Variants in DHX34 observed in about 807,000 individuals in gnomAD.
DHX34 encodes the protein probable ATP-dependent RNA helicase DHX34.
Under a neutral mutation model 111.1 loss-of-function variants are expected in DHX34, and 96 were observed. The observed-to-expected ratio is 0.86, with a 90% confidence interval of 0.73 to 1.02. The LOEUF is 1.02. DHX34 is among the 50% of genes least tolerant of loss of function. The pLI, the probability that DHX34 is intolerant of heterozygous loss-of-function variation, is 0.00. For synonymous variants in DHX34, 688 were observed against 670.4 expected (o/e 1.03, Z -0.41); for missense variants, 1,560 against 1,579.9 (o/e 0.99, Z 0.21).
chr19:47,376,883 A>G (rs781137373), intron 12 of DHX34: 1 of 1,533,498 alleles, frequency 6.5e-7, no homozygotes, highest in Non-Finnish European at 8.7e-7. Context: ...CCCCCCTGGC[A>G]CCCGTGTGCA....
In DHX34 at chr19:47,367,511, C is replaced by T. The variant is rs56092520; in HGVS notation, c.1768+356C>T. Among the ~76,000 whole-genome samples the T allele has an allele frequency of 8.8e-4, 134 of 152,222 alleles. 3 individuals are homozygous for T. The Middle Eastern group carries it at 0.01, about 12-fold the overall frequency. On this transcript the variant is annotated intron_variant, in intron 7 of 16. Coordinates refer to ENST00000328771, the MANE Select transcript of DHX34 (RefSeq NM_014681.6). Reference sequence around the variant, plus strand: ...ATACAGGCCTCATGTATAAGGCAGACCTCATGGGGAAGGTAACATCTGTGC... The same window carrying T: ...ATACAGGCCTCATGTATAAGGCAGATCTCATGGGGAAGGTAACATCTGTGC...
At chr19:47,354,215 G>A (rs527667825) in intron 2 of DHX34, among the ~76,000 whole-genome samples, 2 of 152,200 alleles carry the variant, frequency 1.3e-5, no homozygotes, top group South Asian at 2.1e-4. Flanking sequence ...CACCCACTTC[G>A]GCCTCCCAAA....
At chr19:47,374,455 A>AT (rs1491360558) in intron 9 of DHX34, among the ~76,000 whole-genome samples, 1 of 149,290 alleles carries the variant, frequency 6.7e-6, no homozygotes, top group African/African-American at 2.5e-5. Flanking sequence ...AAAAAAAAAA[A>AT]GATTTGGGTT....
intron 5 of DHX34, chr19:47,362,224 T>G (rs1969649981): frequency 2.3e-6 from 1 of 442,464 alleles, no homozygotes; most frequent in African/African-American, 2.7e-5. Context: ...GAGCTCTGAC[T>G]GAGCCACTGC....
rs1225757548 is a variant in DHX34 at position 47,352,983 on chromosome 19, AT to A, written c.-45del. The stretch of plus-strand genomic sequence containing the variant: ...TTGCAGGTGGGGAATGGATGAGAAT[AT>A]TTGTTTTGGGTGATCAGAACTGAGA... On this transcript the variant is annotated 5_prime_UTR_variant, in exon 2 of 17. It removes the in-frame stop codon of an upstream open reading frame in the 5' UTR. Transcript: ENST00000328771. The A allele has an allele frequency of 6.4e-7, 1 of 1,562,350 alleles. No homozygotes were observed. The highest frequency in any genetic ancestry group is 8.7e-7 in the Non-Finnish European group (1 of 1,151,750).
At chr19:47,364,711 C>T (rs1969738142) in intron 6 of DHX34, among the ~76,000 whole-genome samples, 1 of 152,078 alleles carries the variant, frequency 6.6e-6, no homozygotes, top group Non-Finnish European at 1.5e-5. Flanking sequence ...GCACTCCAGC[C>T]TGAGTGATAG....
At position 47,362,645 on chromosome 19, in the gene DHX34, C is replaced by T. The variant is rs775561280; in HGVS notation, c.1545C>T (p.Tyr515=). 5.0e-6 allele frequency: 8 copies of T among 1,613,412 alleles called. No individual in the cohort carries two copies. In the African/African-American group the frequency reaches 8.0e-5, roughly 16 times the overall value. ...AESDYDAFAP[Y]PVPEIRRVAL... ...CGGACTATGATGCCTTCGCCCCCTA[C>T]CCCGTCCCAGAAATTCGGAGGGTGG... The change falls in exon 6 of 17, where the codon TAC becomes TAT. Residue 515 remains tyrosine, a synonymous_variant. Coordinates refer to ENST00000328771, the MANE Select transcript of DHX34 (RefSeq NM_014681.6).
Position 47,382,265 on chromosome 19 carries a change from C to A in DHX34, c.*152C>A. 7.4e-7 allele frequency: 1 copy of A among 1,358,492 alleles called. No homozygotes were observed. The highest frequency in any genetic ancestry group is 9.7e-7 in the Non-Finnish European group (1 of 1,026,678). The allele number at this position is 1,358,492 out of a possible 1,614,324, so 84.2% of individuals were successfully genotyped here. A position where few individuals can be genotyped will look rare whatever the true frequency, so the allele number is the denominator to read the frequency against. On this transcript the variant is annotated 3_prime_UTR_variant, in exon 17 of 17. Coordinates refer to ENST00000328771, the MANE Select transcript of DHX34 (RefSeq NM_014681.6). ...CCTGGAGCACGGATTGTGAATAAAG[C>A]CTCACATGCTGATACACACTGTTAG...
chr19:47,365,971 C>T (rs1315313477), intron 6 of DHX34, among the ~76,000 whole-genome samples: 1 of 152,208 alleles, frequency 6.6e-6, no homozygotes, highest in East Asian at 1.9e-4. Context: ...GCATGTCTAA[C>T]TTAGGAACAA....
At chr19:47,373,782 CCAGA>C in intron 9 of DHX34, 82 bp downstream of exon 9, 2 of 1,513,900 alleles carry the variant, frequency 1.3e-6, no homozygotes, top group East Asian at 2.5e-5. Flanking sequence ...CTTCCCCTTC[CCAGA>C]CAGTGGTCAG....
rs1051022169 is a variant in DHX34, at chr19:47,362,358, T to C, written c.1376-118T>C. ...GTTGGGCCCAGAATAAGCCCTCAGT[T>C]AGCATTAACAGAATAAAGGAGTAAG... On this transcript the variant is annotated intron_variant, in intron 5 of 16. Transcript: ENST00000328771. 3.1e-6 allele frequency: 4 copies of C among 1,309,488 alleles called. No individual in the cohort carries two copies. In the African/African-American group the frequency reaches 6.2e-5, roughly 20 times the overall value. 81.1% of individuals were successfully genotyped at this position (1,309,488 alleles called of 1,614,324 possible).
chr19:47,377,054 C>T (rs1452814602), intron 12 of DHX34, 46 bp from the exon 13 acceptor site: 1 of 1,612,466 alleles, frequency 6.2e-7, no homozygotes, highest in Non-Finnish European at 8.5e-7. Context: ...TCTGATGGGC[C>T]TGGGTGGGCC....
At chr19:47,359,418 C>T (rs546847568) in intron 4 of DHX34, among the ~76,000 whole-genome samples, 4 of 150,800 alleles carry the variant, frequency 2.7e-5, no homozygotes, top group African/African-American at 4.9e-5. Flanking sequence ...GCTGTGATCA[C>T]GCCACTGCAC....
intron 13 of DHX34, among the ~76,000 whole-genome samples, chr19:47,378,831 T>C (rs1970254114): frequency 6.6e-6 from 1 of 150,604 alleles, no homozygotes. Flanking sequence ...AGTGAGACAC[T>C]GTCTCAAAAA....
chr19:47,381,770 T>A (rs1215794889), intron 16 of DHX34: 6 of 837,408 alleles, frequency 7.2e-6, no homozygotes, highest in Non-Finnish European at 8.6e-6. Context: ...TCCTTGTGTC[T>A]TTCTCTCTGT....
intron 1 of DHX34, 77 bp downstream of exon 1, chr19:47,349,429 T>C (rs1432375233): frequency 2.0e-5 from 3 of 151,942 alleles, no homozygotes; most frequent in Non-Finnish European, 4.4e-5. Flanking sequence ...TGGGGGTAGT[T>C]TGGGGTGCGA....
chr19:47,372,912 G>C lies in DHX34; in HGVS notation c.1951G>C (p.Ala651Pro), dbSNP rs200847844. Residue 651 changes from alanine to proline, a missense_variant, in exon 8 of 17, where the codon GCC (alanine) becomes CCC (proline). Physicochemically the swap from Ala to Pro is conservative, Grantham distance 27. Transcript: ENST00000328771. ...CTTCACGCTCTTCAACGTCTTCAAC[G>C]CCTGGGTGCAGGTGAGGCTGGTGGT... ...DPFTLFNVFN[A>P]WVQVKSERSR... 6 of 1,600,090 alleles carry C rather than the reference G, an allele frequency of 3.7e-6. No homozygotes were observed. The East Asian group carries it at 8.9e-5, about 24-fold the overall frequency.
chr19:47,376,654 C>G, intron 12 of DHX34, 94 bp downstream of exon 12: 1 of 1,497,382 alleles, frequency 6.7e-7, no homozygotes, highest in Non-Finnish European at 8.9e-7. Flanking sequence ...GGCTCCCACA[C>G]CGGCCCAGGC....
At chr19:47,357,152 G>T (rs562124204) in intron 3 of DHX34, among the ~76,000 whole-genome samples, 34 of 152,084 alleles carry the variant, frequency 2.2e-4, no homozygotes, top group Non-Finnish European at 4.7e-4. Context: ...CCTGGCTCAG[G>T]CTCAGGGTCC....
Sources: gnomAD v4.1 joint callset for allele counts (sites outside exome capture counted in the v4.1 genomes callset) on GRCh38, gnomAD v4.1.1 for gene constraint, MANE v1.5 for transcripts, NCBI Gene and HGNC (gene_info 2026-07-23, HGNC 2026-07-21) for gene names.